Variants in GPC6 observed in about 807,000 individuals in gnomAD.
GPC6 encodes glypican 6.
In GPC6, 14 loss-of-function variants were observed where a neutral mutation model predicts 55.2. The observed-to-expected ratio is 0.25, with a 90% CI of 0.17 to 0.40. The LOEUF (loss-of-function observed/expected upper bound fraction) is 0.40. GPC6 is among the 10% of genes least tolerant of loss of function. The pLI, the probability that GPC6 is intolerant of heterozygous loss-of-function variation, is 1.00. For synonymous variants in GPC6, 278 were observed against 259.6 expected, an observed-to-expected ratio of 1.07 and a Z score of -0.68; for missense variants, 641 against 708.5, an observed-to-expected ratio of 0.90 and a Z score of 1.08.
At chr13:94,184,985 T>G (rs1462900434) in intron 4 of GPC6, among the ~76,000 whole-genome samples, 1 of 152,158 alleles carries the variant, frequency 6.6e-6, no homozygotes, top group Admixed American at 6.5e-5. Flanking sequence ...AATCATGTCC[T>G]TTGCAGCAAC....
chr13:93,842,138 T>C (rs1051733393), intron 3 of GPC6, among the ~76,000 whole-genome samples: 1 of 152,126 alleles, frequency 6.6e-6, no homozygotes, highest in Admixed American at 6.6e-5. Flanking sequence ...ATGGACAACA[T>C]TTAGTAAGAA....
chr13:93,951,940 G>C (rs1879271756), intron 3 of GPC6, among the ~76,000 whole-genome samples: 1 of 152,112 alleles, frequency 6.6e-6, no homozygotes, highest in Non-Finnish European at 1.5e-5. Flanking sequence ...TTGTTTCTGA[G>C]CCGATTGCCT....
intron 2 of GPC6, among the ~76,000 whole-genome samples, chr13:93,798,100 C>T (rs1886258498): frequency 6.6e-6 from 1 of 151,998 alleles, no homozygotes; most frequent in Non-Finnish European, 1.5e-5. Context: ...GTGTGGAAGG[C>T]TTGAAAATGG....
rs116367888 is a variant in GPC6 at position 94,114,986 on chromosome 13, C to T, written c.877+87092C>T. Among the ~76,000 whole-genome samples the T allele has an allele frequency of 2.4e-3, 367 of 152,164 alleles. 2 individuals are homozygous for T. Among genetic ancestry groups the T allele is most frequent in the African/African-American group, 8.6e-3 (356 of 41,536 alleles). ...TGAGAATCAGTGTGTGTCTGATTCT[C>T]AACCATTAAACTCTATTGTCTCCAA... On this transcript the variant is annotated intron_variant, in intron 4 of 8. Coordinates refer to ENST00000377047, the MANE Select transcript of GPC6 (RefSeq NM_005708.5).
At chr13:94,142,852 C>A (rs1224874445) in intron 4 of GPC6, among the ~76,000 whole-genome samples, 1 of 149,602 alleles carries the variant, frequency 6.7e-6, no homozygotes, top group Non-Finnish European at 1.5e-5. Flanking sequence ...CTTTTTGAGA[C>A]TGAGGCTCTC....
intron 2 of GPC6, among the ~76,000 whole-genome samples, chr13:93,614,105 GT>G: frequency 6.6e-6 from 1 of 152,192 alleles, no homozygotes; most frequent in Middle Eastern, 3.4e-3. Context: ...CCTCAAATAT[GT>G]TTTGATTAGA....
chr13:93,663,674 T>A (rs1400825623), intron 2 of GPC6, among the ~76,000 whole-genome samples: 1 of 152,202 alleles, frequency 6.6e-6, no homozygotes, highest in Non-Finnish European at 1.5e-5. Flanking sequence ...AATAGTAACT[T>A]CAGGGTCAGG....
intron 2 of GPC6, among the ~76,000 whole-genome samples, chr13:93,780,451 G>T (rs1408942999): frequency 6.6e-6 from 1 of 151,976 alleles, no homozygotes; most frequent in Admixed American, 6.6e-5. Flanking sequence ...TAGTCAGTTT[G>T]TTAAAAATGG....
At chr13:93,669,098 C>G (rs904566253) in intron 2 of GPC6, among the ~76,000 whole-genome samples, 1 of 152,074 alleles carries the variant, frequency 6.6e-6, no homozygotes, top group African/African-American at 2.4e-5. Flanking sequence ...TTTTTATAAA[C>G]AAGAAGATGA....
chr13:94,102,299 G>C (rs892641159), intron 4 of GPC6, among the ~76,000 whole-genome samples: 3 of 152,132 alleles, frequency 2.0e-5, no homozygotes, highest in African/African-American at 7.2e-5. Context: ...ACTGACAAAA[G>C]TGTCAAGTGA....
chr13:93,284,290 G>A (rs1221314707), intron 1 of GPC6, among the ~76,000 whole-genome samples: 1 of 152,160 alleles, frequency 6.6e-6, no homozygotes, highest in Non-Finnish European at 1.5e-5. Flanking sequence ...CCCAAACTAA[G>A]CCAGCCTCAA....
chr13:93,490,181 C>T (rs201052128), intron 1 of GPC6, among the ~76,000 whole-genome samples: 2 of 151,422 alleles, frequency 1.3e-5, no homozygotes, highest in African/African-American at 2.4e-5. Flanking sequence ...GCACGAAGGG[C>T]TGTTGAATTT....
At chr13:94,240,437 TG>T (rs1423483503) in intron 4 of GPC6, among the ~76,000 whole-genome samples, 4 of 152,090 alleles carry the variant, frequency 2.6e-5, no homozygotes, top group Admixed American at 1.3e-4. Context: ...AGACACTCAA[TG>T]GCCTTAAGGT....
chr13:93,520,771 A>G (rs1167366838), intron 1 of GPC6, among the ~76,000 whole-genome samples: 1 of 151,908 alleles, frequency 6.6e-6, no homozygotes, highest in Non-Finnish European at 1.5e-5. Context: ...CTATACAGGC[A>G]TGGAGATGAC....
intron 4 of GPC6, among the ~76,000 whole-genome samples, chr13:94,041,029 A>C (rs1208849887): frequency 6.6e-6 from 1 of 151,862 alleles, no homozygotes; most frequent in African/African-American, 2.4e-5. Flanking sequence ...ATTCCTATCC[A>C]TTTTGATCTG....
chr13:94,211,443 T>A (rs554689626), intron 4 of GPC6, among the ~76,000 whole-genome samples: 80 of 152,334 alleles, frequency 5.3e-4, no homozygotes, highest in African/African-American at 1.9e-3. Context: ...TTTTGTCTCA[T>A]AGCATAGAAA....
rs139974806 is a variant in GPC6 at position 93,701,460 on chromosome 13, G to A, written c.320-128694G>A. ...TTTTACTGTTTTTTTTCTGATGGAGGGTATTGTCTCAGTGTTGAGGGCTGC... is the reference window on the plus strand; with the variant it reads ...TTTTACTGTTTTTTTTCTGATGGAGAGTATTGTCTCAGTGTTGAGGGCTGC... On this transcript the variant is annotated intron_variant, in intron 2 of 8. Coordinates refer to ENST00000377047, the MANE Select transcript of GPC6 (RefSeq NM_005708.5). Among the ~76,000 whole-genome samples the A allele has an allele frequency of 2.6e-3, 398 of 152,046 alleles. 2 individuals are homozygous for A. Among genetic ancestry groups the A allele is most frequent in the Non-Finnish European group, 4.7e-3 (318 of 67,946 alleles).
chr13:94,202,968 G>A (rs1376380029), intron 4 of GPC6, among the ~76,000 whole-genome samples: 1 of 151,970 alleles, frequency 6.6e-6, no homozygotes, highest in Admixed American at 6.6e-5. Flanking sequence ...CAACACCTCT[G>A]GGCTGATAGC....
At chr13:94,188,926 A>G (rs1365209725) in intron 4 of GPC6, among the ~76,000 whole-genome samples, 4 of 152,162 alleles carry the variant, frequency 2.6e-5, no homozygotes, top group East Asian at 1.9e-4. Context: ...CCTCAATCGT[A>G]TAGTTGCTTT....
Sources: gnomAD v4.1 joint callset for allele counts (sites outside exome capture counted in the v4.1 genomes callset) on GRCh38, gnomAD v4.1.1 for gene constraint, MANE v1.5 for transcripts, NCBI Gene and HGNC (gene_info 2026-07-23, HGNC 2026-07-21) for gene names.